The following KCND3 variants were observed in gnomAD, a reference collection of about 807,000 sequenced individuals.
The protein encoded by KCND3 is potassium voltage-gated channel subfamily D member 3.
In KCND3, 9 loss-of-function variants were observed where a neutral mutation model predicts 51.1. That is an observed-to-expected ratio of 0.18 (90% CI 0.11 to 0.31). The LOEUF is 0.31. KCND3 is among the 10% of genes least tolerant of loss of function. The pLI is 1.00. For synonymous variants in KCND3, 349 were observed against 368.0 expected (o/e 0.95, Z 0.59); for missense variants, 526 against 903.8 (o/e 0.58, Z 5.36).
chr1:111,824,919 A>G (rs1401312573), intron 2 of KCND3, among the ~76,000 whole-genome samples: 1 of 152,218 alleles, frequency 6.6e-6, no homozygotes, highest in Non-Finnish European at 1.5e-5. Flanking sequence ...CCTTGGTTGC[A>G]GCCCTGAATA....
intron 2 of KCND3, among the ~76,000 whole-genome samples, chr1:111,826,748 T>A (rs952178935): frequency 1.3e-5 from 2 of 152,224 alleles, no homozygotes; most frequent in Non-Finnish European, 2.9e-5. Context: ...GATGTGAAGT[T>A]TCTATTATAA....
At chr1:111,904,772 C>T (rs748448037) in intron 2 of KCND3, among the ~76,000 whole-genome samples, 4 of 152,218 alleles carry the variant, frequency 2.6e-5, no homozygotes, top group Non-Finnish European at 5.9e-5. Flanking sequence ...TCTGATAGAG[C>T]CCTGACATAC....
At chr1:111,954,022 G>T (rs924743896) in intron 2 of KCND3, among the ~76,000 whole-genome samples, 1 of 152,068 alleles carries the variant, frequency 6.6e-6, no homozygotes. Flanking sequence ...GATGGGGGGT[G>T]GGGGGAAGTG....
At chr1:111,901,530 A>G (rs1670381926) in intron 2 of KCND3, among the ~76,000 whole-genome samples, 1 of 152,198 alleles carries the variant, frequency 6.6e-6, no homozygotes, top group Admixed American at 6.5e-5. Flanking sequence ...CTAGCTAGGC[A>G]CTGGGGACCC....
chr1:111,970,976 C>T (rs1674295381), intron 2 of KCND3, among the ~76,000 whole-genome samples: 1 of 152,220 alleles, frequency 6.6e-6, no homozygotes. Context: ...CCCAGTGATA[C>T]CAGCGGGTGC....
intron 2 of KCND3, among the ~76,000 whole-genome samples, chr1:111,892,602 T>C (rs775568078): frequency 1.3e-4 from 20 of 152,186 alleles, no homozygotes; most frequent in African/African-American, 2.4e-5. Flanking sequence ...TAGTACATTC[T>C]ATGAGGGAAG....
At chr1:111,905,855 G>A (rs967426867) in intron 2 of KCND3, among the ~76,000 whole-genome samples, 27 of 152,162 alleles carry the variant, frequency 1.8e-4, no homozygotes, top group African/African-American at 5.8e-4. Context: ...ACCTTAGAAA[G>A]CTCCATGGGA....
intron 2 of KCND3, among the ~76,000 whole-genome samples, chr1:111,821,958 C>T (rs1571693453): frequency 6.6e-6 from 1 of 152,204 alleles, no homozygotes; most frequent in East Asian, 1.9e-4. Context: ...GGGCTCTTTC[C>T]AGGCAATTAT....
intron 2 of KCND3, among the ~76,000 whole-genome samples, chr1:111,939,446 T>C (rs1373443232): frequency 6.6e-6 from 1 of 152,206 alleles, no homozygotes; most frequent in Non-Finnish European, 1.5e-5. Flanking sequence ...GTTCTCATTG[T>C]TCAACTCCCA....
At chr1:111,808,041 C>A (rs550951988) in intron 2 of KCND3, among the ~76,000 whole-genome samples, 1 of 152,060 alleles carries the variant, frequency 6.6e-6, no homozygotes, top group Non-Finnish European at 1.5e-5. Flanking sequence ...AAGTAAGCAA[C>A]GAATGGGTTT....
intron 2 of KCND3, among the ~76,000 whole-genome samples, chr1:111,848,543 C>T (rs1360369083): frequency 6.6e-6 from 1 of 152,188 alleles, no homozygotes; most frequent in Non-Finnish European, 1.5e-5. Flanking sequence ...GATACTCAAG[C>T]CAAACCTGAA....
chr1:111,906,660 A>T (rs1341721845), intron 2 of KCND3, among the ~76,000 whole-genome samples: 1 of 151,798 alleles, frequency 6.6e-6, no homozygotes, highest in Non-Finnish European at 1.5e-5. Flanking sequence ...TTTCCTCTCT[A>T]CCCTGGGCTC....
chr1:111,838,825 G>A (rs1246131593), intron 2 of KCND3, among the ~76,000 whole-genome samples: 2 of 152,118 alleles, frequency 1.3e-5, no homozygotes, highest in Non-Finnish European at 1.5e-5. Context: ...CAGTTTTGAA[G>A]TCAAATGGTT....
intron 2 of KCND3, among the ~76,000 whole-genome samples, chr1:111,857,753 C>G (rs1484006348): frequency 6.6e-6 from 1 of 151,944 alleles, no homozygotes; most frequent in African/African-American, 2.4e-5. Context: ...GAGGCATCCT[C>G]TGATCCCCCT....
At chr1:111,779,560 C>T (rs1664281657) in intron 5 of KCND3, among the ~76,000 whole-genome samples, 1 of 152,108 alleles carries the variant, frequency 6.6e-6, no homozygotes, top group South Asian at 2.1e-4. Context: ...CAGGGTTGGC[C>T]CCACTGCCCT....
chr1:111,960,722 TG>T (rs1673602945), intron 2 of KCND3, among the ~76,000 whole-genome samples: 1 of 152,168 alleles, frequency 6.6e-6, no homozygotes, highest in Non-Finnish European at 1.5e-5. Context: ...CAGCTGGGGT[TG>T]GGGGAACACT....
chr1:111,828,681 T>G (rs1666688721), intron 2 of KCND3, among the ~76,000 whole-genome samples: 2 of 152,120 alleles, frequency 1.3e-5, no homozygotes, highest in Non-Finnish European at 2.9e-5. Flanking sequence ...TGCTGGGGTA[T>G]GGAGAGACCC....
At chr1:111,930,959 T>C (rs908713512) in intron 2 of KCND3, among the ~76,000 whole-genome samples, 1 of 152,032 alleles carries the variant, frequency 6.6e-6, no homozygotes, top group Non-Finnish European at 1.5e-5. Context: ...TGGGGAGAGG[T>C]GGGTTCTTTA....
At chr1:111,824,474 C>T (rs1411244980) in intron 2 of KCND3, among the ~76,000 whole-genome samples, 1 of 152,326 alleles carries the variant, frequency 6.6e-6, no homozygotes, top group South Asian at 2.1e-4. Flanking sequence ...ATGCTGTTGT[C>T]TGCTTAAGGA....
Sources: allele counts gnomAD v4.1 joint callset (sites outside exome capture counted in the v4.1 genomes callset), GRCh38; gene constraint gnomAD v4.1.1; transcripts MANE v1.5; gene names NCBI Gene and HGNC (gene_info 2026-07-23, HGNC 2026-07-21).